FCHO1: variants seen among roughly 807,000 people sequenced by gnomAD.
The protein encoded by FCHO1 is FCH and mu domain containing endocytic adaptor 1.
In FCHO1, 45 loss-of-function variants were observed where a neutral mutation model predicts 114.4. The ratio of observed to expected loss-of-function variants is 0.39; its 90% CI spans 0.31 to 0.50. FCHO1 has a LOEUF of 0.50. Among genes scored for constraint, FCHO1 ranks in the 20% least tolerant of loss-of-function variants. FCHO1 has a pLI of 0.77. For missense variants in FCHO1, 1,042 were observed against 1,209.6 expected (o/e 0.86, Z 2.06); for synonymous variants, 480 against 488.9 (o/e 0.98, Z 0.24).
In FCHO1 at chr19:17,775,626, C is replaced by T; in HGVS notation, c.1003+113C>T. 1 of 1,053,420 alleles carries T rather than the reference C, an allele frequency of 9.5e-7. No individual in the cohort carries two copies. Among genetic ancestry groups the T allele is most frequent in the South Asian group, 1.3e-5 (1 of 77,036 alleles). The allele number at this position is 1,053,420 out of a possible 1,614,324, so 65.3% of individuals were successfully genotyped here. ...TCTGTGTACATCCTGGAGAGAGTCT[C>T]CTTTGTGGATGAAGCCAACCTAAAT... On this transcript the variant is annotated intron_variant, in intron 15 of 28. Transcript: ENST00000596536. This position sits in a 1 kb window ranked among gnomAD's most constrained non-coding sequence, Gnocchi z 5.1.
intron 5 of FCHO1, among the ~76,000 whole-genome samples, chr19:17,763,611 A>G (rs2087409573): frequency 8.2e-6 from 1 of 121,916 alleles, no homozygotes; most frequent in Non-Finnish European, 1.6e-5. Flanking sequence ...TTTGTTGCCC[A>G]GGGTGATCTG....
upstream of FCHO1, among the ~76,000 whole-genome samples, chr19:17,748,137 A>G (rs1216802974): frequency 6.6e-6 from 1 of 152,000 alleles, no homozygotes; most frequent in Non-Finnish European, 1.5e-5. Flanking sequence ...CTGGGGCTGC[A>G]AAGATGGGGG....
chr19:17,751,986 G>T lies in FCHO1; in HGVS notation c.-183+409G>T, dbSNP rs1423046860. 1.3e-5 allele frequency among the ~76,000 whole-genome samples: 2 copies of T among 152,196 alleles called. No homozygotes were observed. The highest frequency in any genetic ancestry group is 2.9e-5 in the Non-Finnish European group (2 of 68,040). ...ATGAGCAGATGCGTGTGAATAGTTG[G>T]GTACAGGGTCGCACACATACTGGTG... is the stretch of plus-strand genomic sequence containing the variant. On this transcript the variant is annotated intron_variant, in intron 1 of 28. Transcript: ENST00000596536. The surrounding 1 kb of genome is among the most constrained non-coding windows in gnomAD (Gnocchi z 4.4).
Position 17,776,414 on chromosome 19 carries a change from G to A in FCHO1, c.1207+143G>A. ...TTCAGTCTCCTTTTCTGTAAAATGA[G>A]GTCATTATGAAATTAAGTGAGAGCT... is the stretch of plus-strand genomic sequence containing the variant. On this transcript the variant is annotated intron_variant, in intron 17 of 28. Transcript: ENST00000596536. This position sits in a 1 kb window ranked among gnomAD's most constrained non-coding sequence, Gnocchi z 4.4. 2 of 1,198,090 alleles carry A rather than the reference G, an allele frequency of 1.7e-6. No homozygotes were observed. Among genetic ancestry groups the A allele is most frequent in the Non-Finnish European group, 2.5e-6 (2 of 804,246 alleles). 74.2% of individuals were successfully genotyped at this position (1,198,090 alleles called of 1,614,324 possible). A position where few individuals can be genotyped will look rare whatever the true frequency, so the allele number is the denominator to read the frequency against.
chr19:17,782,956 G>C, intron 23 of FCHO1, 61 bp from the exon 24 acceptor site: 1 of 1,578,694 alleles, frequency 6.3e-7, no homozygotes, highest in East Asian at 2.3e-5. Flanking sequence ...CCAAGAGAAG[G>C]GGAAGGATGA....
rs554724799 is a variant in FCHO1 at position 17,771,243 on chromosome 19, C to A, written c.594+347C>A. 6.6e-5 allele frequency among the ~76,000 whole-genome samples: 10 copies of A among 151,066 alleles called. No homozygotes were observed. In the South Asian group the frequency reaches 1.9e-3, roughly 28 times the overall value. On this transcript the variant is annotated intron_variant, in intron 9 of 28. Coordinates refer to ENST00000596536, the MANE Select transcript of FCHO1 (RefSeq NM_015122.3). ...CTCCAGGTTAGGTGATAGAGTGGAA[C>A]CCTGTCTCGAAAAAATAAAATAAAT... is the stretch of plus-strand genomic sequence containing the variant.
rs1194284892 is a variant in FCHO1, at chr19:17,784,618, C to A, written c.2227-107C>A. ...TCAAATCTCCCTGTGACTGGACCCC[C>A]TTGGGGCGGTGCGTGCATCGCAGGG... On this transcript the variant is annotated intron_variant, in intron 25 of 28. Transcript: ENST00000596536. The surrounding 1 kb of genome is among the most constrained non-coding windows in gnomAD (Gnocchi z 5.3). 47 of 1,084,488 alleles carry A rather than the reference C, an allele frequency of 4.3e-5. 2 individuals carry two copies. The South Asian group carries it at 5.7e-4, about 13-fold the overall frequency. 67.2% of individuals were successfully genotyped at this position (1,084,488 alleles called of 1,614,324 possible).
intron 3 of FCHO1, 66 bp from the exon 4 acceptor site, chr19:17,755,052 G>T: frequency 2.1e-6 from 2 of 974,770 alleles, no homozygotes; most frequent in Non-Finnish European, 1.7e-6. Flanking sequence ...CTACAGGGAG[G>T]GACTTTCCCC....
intron 23 of FCHO1, among the ~76,000 whole-genome samples, chr19:17,782,415 G>A (rs1035686874): frequency 1.3e-5 from 2 of 152,110 alleles, no homozygotes; most frequent in Non-Finnish European, 2.9e-5. Context: ...TGTTGGCCAG[G>A]CTGGTCTCGA....
In FCHO1 at chr19:17,783,089, CCCA is replaced by C; in HGVS notation, c.2019_2021del (p.Pro674del). ...GCATCGTGCGTGTGTTCAGCGGGAC[CCCA>C]CCACCACCTGTCCTCAGCTTCCGGC... On this transcript the variant is annotated inframe_deletion, in exon 24 of 29. Coordinates refer to ENST00000596536, the MANE Select transcript of FCHO1 (RefSeq NM_015122.3). The C allele has an allele frequency of 1.2e-6, 2 of 1,614,070 alleles. No homozygotes were observed. Among genetic ancestry groups the C allele is most frequent in the South Asian group, 1.1e-5 (1 of 91,074 alleles).
At chr19:17,787,127 G>A (rs906168814) in intron 27 of FCHO1, among the ~76,000 whole-genome samples, 12 of 150,062 alleles carry the variant, frequency 8.0e-5, no homozygotes, top group Non-Finnish European at 1.5e-4. Context: ...GGGAGGCTGA[G>A]GCAGGAGAAT....
In FCHO1 at chr19:17,787,697, C is replaced by G. The variant is rs115857705; in HGVS notation, c.2498C>G (p.Ser833Cys). The change falls in exon 28 of 29, where the codon TCT (serine) becomes TGT (cysteine). Residue 833 changes from serine to cysteine, a missense_variant. Around this residue, in one of 3 missense-constraint regions of FCHO1, gnomAD observed 137 missense variants for 190.0 expected, o/e 0.72. Coordinates refer to ENST00000596536, the MANE Select transcript of FCHO1 (RefSeq NM_015122.3). Reference protein sequence around the residue: ...VSEAGGSGRLSASWEPLSGPS... With the variant: ...VSEAGGSGRLCASWEPLSGPS... ...GTCTCCCCAGGTTCTGGCCGCCTCT[C>G]TGCCAGCTGGGAGCCGCTCTCAGGG... The G allele has an allele frequency of 1.2e-5, 18 of 1,562,506 alleles. 1 individual carries two copies. The South Asian group carries it at 2.1e-4, about 18-fold the overall frequency.
intron 11 of FCHO1, 36 bp from the exon 12 acceptor site, chr19:17,774,203 C>T: frequency 6.2e-7 from 1 of 1,610,458 alleles, no homozygotes; most frequent in Non-Finnish European, 8.5e-7. Context: ...GCCACCGTGC[C>T]CAGCCCCTCA....
At position 17,757,286 on chromosome 19, in the gene FCHO1, T is replaced by A. The variant is rs189535943; in HGVS notation, c.27+2095T>A. On this transcript the variant is annotated intron_variant, in intron 4 of 28. Transcript: ENST00000596536. ...GAGACAGACCTGAGACAGCCCCTCC[T>A]AGGACCCTCGGCTGCCAGCCCAGTC... Among the ~76,000 whole-genome samples the A allele has an allele frequency of 3.0e-4, 46 of 151,372 alleles. No individual in the cohort carries two copies. In the East Asian group the frequency reaches 8.2e-3, roughly 27 times the overall value.
rs1328780588 is a variant in FCHO1, at chr19:17,762,770, A to G, written c.36A>G (p.Lys12=). Residue 12 remains lysine, a synonymous_variant, in exon 5 of 29, where the codon AAA becomes AAG. Transcript: ENST00000596536. ...ATTCCCATCCCCTGCAGGGCGAGAA[A>G]AATCATGGCTTTGAGGTCCTGTACC... ...SYFGEHFWGE[K]NHGFEVLYHS... The G allele has an allele frequency of 6.2e-7, 1 of 1,613,368 alleles. No individual in the cohort carries two copies. The highest frequency in any genetic ancestry group is 1.3e-5 in the African/African-American group (1 of 74,994).
Position 17,770,316 on chromosome 19 carries a change from A to G in FCHO1, c.337-109A>G, listed in dbSNP as rs888762944. On this transcript the variant is annotated intron_variant, in intron 7 of 28. Coordinates refer to ENST00000596536, the MANE Select transcript of FCHO1 (RefSeq NM_015122.3). ...AACTCTGTCTAAAAAAAACCAAACCAAAACACACACACACACATAGAAAAA... is the reference window on the plus strand; with the variant it reads ...AACTCTGTCTAAAAAAAACCAAACCGAAACACACACACACACATAGAAAAA... The G allele has an allele frequency of 7.4e-6, 9 of 1,210,008 alleles. No homozygotes were observed. In the African/African-American group the frequency reaches 9.3e-5, roughly 12 times the overall value. The allele number at this position is 1,210,008 out of a possible 1,614,324, so 75.0% of individuals were successfully genotyped here. A position where few individuals can be genotyped will look rare whatever the true frequency, so the allele number is the denominator to read the frequency against.
At chr19:17,771,011 T>A in intron 9 of FCHO1, 115 bp downstream of exon 9, 1 of 857,678 alleles carries the variant, frequency 1.2e-6, no homozygotes, top group Non-Finnish European at 1.8e-6. Flanking sequence ...CCCAGCACTT[T>A]GGGAGGCCGA....
rs535877925 is a variant in FCHO1, at chr19:17,768,507, C to T, written c.336+1697C>T. Among the ~76,000 whole-genome samples, 240 of 151,754 alleles carry T rather than the reference C, an allele frequency of 1.6e-3. 1 individual carries two copies. The highest frequency in any genetic ancestry group is 1.7e-3 in the Non-Finnish European group (115 of 67,828). ...AGGAGTTCCAGACCAGCCTGGCCAA[C>T]ATGGTGAAACCCTGTCTATACTAAA... On this transcript the variant is annotated intron_variant, in intron 7 of 28. Coordinates refer to ENST00000596536, the MANE Select transcript of FCHO1 (RefSeq NM_015122.3).
intron 11 of FCHO1, among the ~76,000 whole-genome samples, chr19:17,773,152 C>G (rs562368988): frequency 2.0e-5 from 3 of 152,294 alleles, no homozygotes; most frequent in Non-Finnish European, 2.9e-5. Flanking sequence ...TTTGGGAATG[C>G]GCAGATGCAG....
Sources: gnomAD v4.1 joint callset for allele counts (sites outside exome capture counted in the v4.1 genomes callset) on GRCh38, gnomAD v4.1.1 for gene constraint, gnomAD v4.1.1 regional missense constraint, Gnocchi (gnomAD v3.1) non-coding constraint, MANE v1.5 for transcripts, NCBI Gene and HGNC (gene_info 2026-07-23, HGNC 2026-07-21) for gene names.